CT45A1: variants seen among roughly 807,000 people sequenced by gnomAD.
CT45A1 encodes the protein cancer/testis antigen family 45 member A1.
intron 1 of CT45A1, 86 bp downstream of exon 1, chrX:135,713,776 A>T: frequency 1.6e-6 from 1 of 632,268 alleles, no homozygotes; most frequent in African/African-American, 2.4e-5. Flanking sequence ...CCTCAGAAAG[A>T]GTCTTTTCTG....
intron 1 of CT45A1, among the ~76,000 whole-genome samples, chrX:135,715,234 T>TATATTA (rs1569518741): frequency 1.4e-5 from 1 of 70,272 alleles, no homozygotes; most frequent in Non-Finnish European, 2.7e-5. Flanking sequence ...TATATAATAC[T>TATATTA]TATATATATA....
chrX:135,713,899 T>C (rs1283163673), intron 1 of CT45A1, among the ~76,000 whole-genome samples: 1 of 106,583 alleles, frequency 9.4e-6, no homozygotes, highest in Admixed American at 1.0e-4. Context: ...CTTGGGCACC[T>C]CGTCTCAGCC....
chrX:135,716,186 G>A (rs782029464), intron 1 of CT45A1, among the ~76,000 whole-genome samples: 1 of 111,206 alleles, frequency 9.0e-6, no homozygotes, highest in South Asian at 3.8e-4. Context: ...AATCCTTTAG[G>A]TATATACCCA....
At chrX:135,717,725 C>T in intron 1 of CT45A1, among the ~76,000 whole-genome samples, 1 of 111,141 alleles carries the variant, frequency 9.0e-6, no homozygotes, top group Non-Finnish European at 1.9e-5. Flanking sequence ...CATTTGAAAT[C>T]TCATATTCTA....
At chrX:135,711,203 G>T (rs782461391), upstream of CT45A1, among the ~76,000 whole-genome samples, 2 of 111,657 alleles carry the variant, frequency 1.8e-5, no homozygotes, top group South Asian at 7.6e-4. Context: ...ATGCAAAAAT[G>T]AGTATTTCAT....
chrX:135,717,517 C>G (rs1446633267), intron 1 of CT45A1, among the ~76,000 whole-genome samples: 1 of 109,180 alleles, frequency 9.2e-6, no homozygotes, highest in Non-Finnish European at 1.9e-5. Context: ...CCACTCTACT[C>G]CAGCCTGGGC....
intron 1 of CT45A1, among the ~76,000 whole-genome samples, chrX:135,718,054 G>A (rs2088003114): frequency 8.9e-6 from 1 of 111,810 alleles, no homozygotes; most frequent in Non-Finnish European, 1.9e-5. Context: ...TTGTACATAT[G>A]CTAACCAGAA....
At chrX:135,710,655 G>A (rs185039845), upstream of CT45A1, among the ~76,000 whole-genome samples, 12 of 112,273 alleles carry the variant, frequency 1.1e-4, no homozygotes, top group Admixed American at 3.8e-4. Flanking sequence ...ATCCTTGACA[G>A]TTTGACCACT....
At chrX:135,716,118 A>G (rs782264855) in intron 1 of CT45A1, among the ~76,000 whole-genome samples, 97 of 111,219 alleles carry the variant, frequency 8.7e-4, no homozygotes, top group Admixed American at 1.4e-3. Flanking sequence ...CTTTGCTGTT[A>G]TGAATAGTGC....
At chrX:135,718,424 A>C (rs1231893237) in intron 1 of CT45A1, among the ~76,000 whole-genome samples, 39 of 110,544 alleles carry the variant, frequency 3.5e-4, no homozygotes, top group Non-Finnish European at 3.2e-4. Context: ...TTTTGTATCA[A>C]TCTTCTAATA....
intron 1 of CT45A1, among the ~76,000 whole-genome samples, chrX:135,718,524 CATAATATAATGT>C: frequency 9.1e-6 from 1 of 109,435 alleles, no homozygotes; most frequent in Non-Finnish European, 1.9e-5. Context: ...ACATATTTTG[CATAATATAATGT>C]ATAATATATA....
upstream of CT45A1, among the ~76,000 whole-genome samples, chrX:135,712,811 C>T (rs550794311): frequency 2.5e-4 from 28 of 110,987 alleles, no homozygotes; most frequent in African/African-American, 8.1e-4. Flanking sequence ...ATTACAGGCG[C>T]GAGCCACAGC....
chrX:135,713,140 C>T (rs143516323), upstream of CT45A1, among the ~76,000 whole-genome samples: 430 of 100,125 alleles, frequency 4.3e-3, 5 homozygotes, highest in African/African-American at 0.014. Flanking sequence ...TGGGTTCCAG[C>T]GATCCTCCCA....
chrX:135,709,084 T>G (rs1460351931), upstream of CT45A1, among the ~76,000 whole-genome samples: 2 of 112,035 alleles, frequency 1.8e-5, no homozygotes, highest in African/African-American at 3.2e-5. Flanking sequence ...ACCTAATTAA[T>G]ATTATATATC....
At chrX:135,717,286 C>T (rs782032586) in intron 1 of CT45A1, among the ~76,000 whole-genome samples, 17 of 111,948 alleles carry the variant, frequency 1.5e-4, no homozygotes, top group South Asian at 3.7e-4. Flanking sequence ...TGGTGGCTCA[C>T]GCCTGTAATC....
At chrX:135,708,799 G>A (rs2087920420), upstream of CT45A1, among the ~76,000 whole-genome samples, 1 of 111,242 alleles carries the variant, frequency 9.0e-6, no homozygotes, top group Admixed American at 9.6e-5. Flanking sequence ...GATTTTGTGT[G>A]GGAATTATTT....
chrX:135,712,995 T>TCCTTCCTTCCTTCCTTCCTTCCTTCCTC, upstream of CT45A1, among the ~76,000 whole-genome samples: 1 of 8,202 alleles, frequency 1.2e-4, no homozygotes, highest in African/African-American at 4.7e-4. Context: ...CTTCCTTCCT[T>TCCTTCCTTCCTTCCTTCCTTCCTTCCTC]CCTCTCTCTC....
upstream of CT45A1, chrX:135,713,552 T>C (rs2087953220): frequency 2.4e-5 from 18 of 741,460 alleles, no homozygotes; most frequent in Non-Finnish European, 2.5e-5. Context: ...CGCCTCCCCA[T>C]GCACATCACT....
intron 1 of CT45A1, among the ~76,000 whole-genome samples, chrX:135,718,300 C>A (rs2088006642): frequency 9.0e-6 from 1 of 110,989 alleles, no homozygotes; most frequent in Non-Finnish European, 1.9e-5. Flanking sequence ...TTTATTTGCT[C>A]ACCCTTAGTT....
Sources: allele counts gnomAD v4.1 joint callset (sites outside exome capture counted in the v4.1 genomes callset), GRCh38; gene constraint gnomAD v4.1.1; transcripts MANE v1.5; gene names NCBI Gene and HGNC (gene_info 2026-07-23, HGNC 2026-07-21).